Variants in PDE2A observed in about 807,000 individuals in gnomAD.
The protein encoded by PDE2A is cGMP-dependent 3',5'-cyclic phosphodiesterase.
A neutral mutation model predicts 133.6 loss-of-function variants in PDE2A; 53 were observed. That is an observed-to-expected ratio of 0.40 (90% CI 0.32 to 0.50). The LOEUF (loss-of-function observed/expected upper bound fraction) is 0.50. Among genes scored for constraint, PDE2A ranks in the 20% least tolerant of loss-of-function variants. The probability of loss-of-function intolerance (pLI) is 0.73; values close to 1 mark genes in which losing one functional copy is unlikely to be tolerated. For missense variants in PDE2A, 796 were observed against 1,232.4 expected (o/e 0.65, Z 5.30); for synonymous variants, 491 against 490.2 (o/e 1.00, Z -0.02).
At chr11:72,661,209 G>A (rs550152321) in intron 1 of PDE2A, among the ~76,000 whole-genome samples, 145 of 152,280 alleles carry the variant, frequency 9.5e-4, no homozygotes, top group African/African-American at 3.4e-3. Flanking sequence ...GGAGGCTGAG[G>A]AAGGAGAATC....
intron 4 of PDE2A, among the ~76,000 whole-genome samples, chr11:72,600,130 AGGGCC>A (rs969141825): frequency 6.6e-6 from 1 of 152,208 alleles, no homozygotes; most frequent in Non-Finnish European, 1.5e-5. Context: ...GACAGGGGCC[AGGGCC>A]CTATGGAGCT....
At position 72,642,340 on chromosome 11, in the gene PDE2A, C is replaced by T; in HGVS notation, c.72-14G>A. 6.5e-7 allele frequency: 1 copy of T among 1,533,842 alleles called. No homozygotes were observed. Among genetic ancestry groups the T allele is most frequent in the Non-Finnish European group, 8.8e-7 (1 of 1,142,784 alleles). On this transcript the variant is annotated splice_polypyrimidine_tract_variant and intron_variant, in intron 1 of 30. Coordinates refer to ENST00000334456, the MANE Select transcript of PDE2A (RefSeq NM_002599.5). ...TGCTGGCCCCGCCTGAGGAATTGGA[C>T]AACAGCGATGAGGATGTGGTGCAGC...
At chr11:72,581,333 T>A in intron 23 of PDE2A, 24 bp downstream of exon 23, 1 of 1,610,056 alleles carries the variant, frequency 6.2e-7, no homozygotes, top group Non-Finnish European at 8.5e-7. Flanking sequence ...GGCTGCCAGA[T>A]GTGGGGGAGA....
intron 1 of PDE2A, among the ~76,000 whole-genome samples, chr11:72,669,670 G>A (rs566248890): frequency 1.3e-5 from 2 of 152,132 alleles, no homozygotes; most frequent in South Asian, 2.1e-4. Context: ...TGGGGCAGAG[G>A]GGGTAGGAGG....
intron 1 of PDE2A, chr11:72,643,360 C>CTGGAGG (rs1859039081): frequency 6.6e-6 from 1 of 152,300 alleles, no homozygotes; most frequent in Admixed American, 6.5e-5. Context: ...GGCGGCAGGA[C>CTGGAGG]GTGTCTGGAC....
chr11:72,619,548 G>A (rs1488490909), intron 2 of PDE2A, among the ~76,000 whole-genome samples: 9 of 152,202 alleles, frequency 5.9e-5, no homozygotes, highest in Non-Finnish European at 8.8e-5. Context: ...CTATGTGTGT[G>A]CACTGGCCAT....
intron 1 of PDE2A, among the ~76,000 whole-genome samples, chr11:72,644,748 ATT>A (rs1859083496): frequency 2.0e-5 from 3 of 151,184 alleles, no homozygotes; most frequent in Admixed American, 1.3e-4. Context: ...ATTTTATTTT[ATT>A]TTATTTTATT....
chr11:72,625,055 C>G (rs1857990317), intron 2 of PDE2A, among the ~76,000 whole-genome samples: 1 of 152,198 alleles, frequency 6.6e-6, no homozygotes, highest in South Asian at 2.1e-4. Context: ...TGTTGTTGTG[C>G]TCAGAGTCCT....
At position 72,617,849 on chromosome 11, in the gene PDE2A, C is replaced by T. The variant is rs550270710; in HGVS notation, c.145-9098G>A. Among the ~76,000 whole-genome samples the T allele has an allele frequency of 2.0e-5, 3 of 152,330 alleles. No homozygotes were observed. The East Asian group carries it at 5.8e-4, about 29-fold the overall frequency. On this transcript the variant is annotated intron_variant, in intron 2 of 30. Coordinates refer to ENST00000334456, the MANE Select transcript of PDE2A (RefSeq NM_002599.5). ...TGACTCCTGCCCCCTTTCCCTCTCT[C>T]TGCCCCTGCAGGAATGTGTGAGCAC...
chr11:72,611,157 G>C (rs925122410), intron 2 of PDE2A, among the ~76,000 whole-genome samples: 2 of 152,220 alleles, frequency 1.3e-5, no homozygotes, highest in South Asian at 2.1e-4. Context: ...ACTTGGGGAA[G>C]AGAGACCCAG....
intron 4 of PDE2A, chr11:72,599,073 C>A: frequency 1.0e-6 from 1 of 980,008 alleles, no homozygotes. Context: ...GCTCCTTGGC[C>A]TCAGACAATC....
chr11:72,610,968 T>C (rs1857187997), intron 2 of PDE2A, among the ~76,000 whole-genome samples: 2 of 152,170 alleles, frequency 1.3e-5, no homozygotes, highest in Non-Finnish European at 1.5e-5. Flanking sequence ...GAGGAAGAGC[T>C]GATGCCCCCA....
chr11:72,630,378 C>A (rs1056811587), intron 2 of PDE2A, among the ~76,000 whole-genome samples: 1 of 152,076 alleles, frequency 6.6e-6, no homozygotes, highest in African/African-American at 2.4e-5. Flanking sequence ...ACTGCCAGGG[C>A]AGGAGAGCTC....
chr11:72,664,807 T>C, intron 1 of PDE2A, among the ~76,000 whole-genome samples: 1 of 151,998 alleles, frequency 6.6e-6, no homozygotes, highest in East Asian at 1.9e-4. Flanking sequence ...TGAGAGGTTT[T>C]GTTTGTTTCT....
At chr11:72,601,496 A>C (rs1057012379) in intron 4 of PDE2A, among the ~76,000 whole-genome samples, 1 of 151,924 alleles carries the variant, frequency 6.6e-6, no homozygotes, top group Non-Finnish European at 1.5e-5. Flanking sequence ...AGACCTGGTC[A>C]GCTTAGGGGA....
At chr11:72,638,406 G>A (rs1338234372) in intron 2 of PDE2A, among the ~76,000 whole-genome samples, 3 of 152,184 alleles carry the variant, frequency 2.0e-5, no homozygotes, top group Non-Finnish European at 2.9e-5. Context: ...GGACACACAC[G>A]GTGGGTAGAG....
At chr11:72,579,148 G>T in intron 27 of PDE2A, 136 bp downstream of exon 27, 1 of 941,360 alleles carries the variant, frequency 1.1e-6, no homozygotes, top group South Asian at 1.4e-5. Flanking sequence ...TGCTGGGTCT[G>T]CCTGGGGGGG....
At chr11:72,600,140 G>A (rs997532738) in intron 4 of PDE2A, among the ~76,000 whole-genome samples, 1 of 152,220 alleles carries the variant, frequency 6.6e-6, no homozygotes, top group Non-Finnish European at 1.5e-5. Context: ...AGGGCCCTAT[G>A]GAGCTGGGCT....
intron 1 of PDE2A, among the ~76,000 whole-genome samples, chr11:72,670,347 G>C (rs1286015811): frequency 6.6e-6 from 1 of 152,170 alleles, no homozygotes; most frequent in Non-Finnish European, 1.5e-5. Context: ...AACGGCTGCT[G>C]AATGAATGAA....
Sources: allele counts gnomAD v4.1 joint callset (sites outside exome capture counted in the v4.1 genomes callset), GRCh38; gene constraint gnomAD v4.1.1; transcripts MANE v1.5; gene names NCBI Gene and HGNC (gene_info 2026-07-23, HGNC 2026-07-21).